The following AHI1 variants were observed in gnomAD, a reference collection of about 807,000 sequenced individuals.
The protein encoded by AHI1 is Abelson helper integration site 1, also known as jouberin.
In AHI1, 123 loss-of-function variants were observed where a neutral mutation model predicts 149.3. The ratio of observed to expected loss-of-function variants is 0.82; its 90% CI spans 0.71 to 0.96. The LOEUF is 0.96. Among genes scored for constraint, AHI1 ranks in the 40% least tolerant of loss-of-function variants. AHI1 has a pLI of 0.00. For synonymous variants in AHI1, 475 were observed against 459.8 expected (o/e 1.03, Z -0.42); for missense variants, 1,439 against 1,422.7 (o/e 1.01, Z -0.18).
chr6:135,403,800 C>G (rs896403532), intron 22 of AHI1, among the ~76,000 whole-genome samples: 1 of 152,084 alleles, frequency 6.6e-6, no homozygotes. Context: ...CTTTTCCCCC[C>G]TCGTCTTCCT....
At chr6:135,454,649 A>C (rs1328788807) in intron 10 of AHI1, among the ~76,000 whole-genome samples, 1 of 152,230 alleles carries the variant, frequency 6.6e-6, no homozygotes, top group Non-Finnish European at 1.5e-5. Flanking sequence ...GCAGTTGCAT[A>C]GGCAATAACA....
At chr6:135,394,590 C>A (rs1778956362) in intron 23 of AHI1, 186 bp downstream of exon 23, 2 of 754,190 alleles carry the variant, frequency 2.7e-6, no homozygotes, top group Non-Finnish European at 4.2e-6. Context: ...TCTACTGTTA[C>A]CAATTCCAAA....
chr6:135,451,899 G>GA (rs746590748), intron 11 of AHI1, among the ~76,000 whole-genome samples: 8 of 151,720 alleles, frequency 5.3e-5, no homozygotes, highest in Middle Eastern at 3.4e-3. Context: ...AGGTGTTATG[G>GA]AAAAAGGCAT....
In AHI1 at chr6:135,363,896, A is replaced by AC. The variant is rs1171061892; in HGVS notation, c.3110-5710dup. Among the ~76,000 whole-genome samples, 81 of 119,840 alleles carry AC rather than the reference A, an allele frequency of 6.8e-4. 1 individual carries two copies. The highest frequency in any genetic ancestry group is 5.3e-3 in the Middle Eastern group (1 of 188). The allele number at this position is 119,840 out of a possible 152,430, so 78.6% of individuals were successfully genotyped here. On this transcript the variant is annotated intron_variant, in intron 23 of 28. Transcript: ENST00000265602. The stretch of plus-strand genomic sequence containing the variant: ...GGGCGGCTGGCCGGACGGGGGGCTG[A>AC]CCCCCCCCACCTCCCTCCCGGATGG...
intron 23 of AHI1, among the ~76,000 whole-genome samples, chr6:135,366,705 T>C (rs1774236790): frequency 6.6e-6 from 1 of 152,224 alleles, no homozygotes; most frequent in South Asian, 2.1e-4. Flanking sequence ...ACTAATGGTC[T>C]ATCGATTTTG....
At chr6:135,320,069 G>C (rs17064416) in intron 25 of AHI1, among the ~76,000 whole-genome samples, 1,567 of 152,252 alleles carry the variant, frequency 0.01, 32 homozygotes, top group African/African-American at 0.036. Flanking sequence ...TTTTAGACTA[G>C]AATATGCTAC....
intron 26 of AHI1, among the ~76,000 whole-genome samples, chr6:135,313,352 A>G (rs777559372): frequency 3.3e-5 from 5 of 152,234 alleles, no homozygotes; most frequent in Non-Finnish European, 7.3e-5. Flanking sequence ...AAATCCACGC[A>G]TCTTAAGATT....
intron 24 of AHI1, among the ~76,000 whole-genome samples, chr6:135,340,654 C>CATATATATATATATATATATATAT (rs1290327693): frequency 1.7e-5 from 1 of 58,568 alleles, no homozygotes; most frequent in African/African-American, 4.4e-5. Context: ...TATATACATA[C>CATATATATATATATATATATATAT]ATACATATAT....
chr6:135,448,048 C>A (rs887202578), intron 12 of AHI1, among the ~76,000 whole-genome samples: 3 of 152,152 alleles, frequency 2.0e-5, no homozygotes, highest in Non-Finnish European at 4.4e-5. Flanking sequence ...AACCTTTTAT[C>A]TTTAATTTTT....
At chr6:135,309,655 AT>A (rs1784925165) in intron 26 of AHI1, among the ~76,000 whole-genome samples, 1 of 151,940 alleles carries the variant, frequency 6.6e-6, no homozygotes, top group Non-Finnish European at 1.5e-5. Context: ...CTAATTTTGT[AT>A]TTTTAGTAGA....
At chr6:135,448,646 AT>A (rs532758223) in intron 11 of AHI1, among the ~76,000 whole-genome samples, 171 bp from the exon 12 acceptor site, 3 of 152,232 alleles carry the variant, frequency 2.0e-5, no homozygotes, top group Non-Finnish European at 4.4e-5. Context: ...CTTCCAGATC[AT>A]TTTTGACAAA....
chr6:135,331,529 G>A (rs1160152699), intron 24 of AHI1, among the ~76,000 whole-genome samples: 1 of 152,146 alleles, frequency 6.6e-6, no homozygotes, highest in Non-Finnish European at 1.5e-5. Context: ...TCTTTCAAGG[G>A]ATTAAATATT....
intron 5 of AHI1, among the ~76,000 whole-genome samples, chr6:135,484,006 T>C (rs543608623): frequency 6.6e-6 from 1 of 152,002 alleles, no homozygotes; most frequent in South Asian, 2.1e-4. Flanking sequence ...AGAGGTTTAA[T>C]GGACTTAAAG....
intron 5 of AHI1, among the ~76,000 whole-genome samples, chr6:135,479,303 A>G (rs926426238): frequency 6.6e-6 from 1 of 152,214 alleles, no homozygotes; most frequent in Admixed American, 6.5e-5. Context: ...CAGGCACTCA[A>G]TGCCAGCCAG....
intron 26 of AHI1, among the ~76,000 whole-genome samples, chr6:135,311,445 T>A (rs935100002): frequency 5.3e-5 from 8 of 152,122 alleles, no homozygotes; most frequent in Non-Finnish European, 1.2e-4. Flanking sequence ...TAAGCATATG[T>A]AAGAAACAGA....
chr6:135,354,628 G>A (rs182018360), intron 24 of AHI1, among the ~76,000 whole-genome samples: 1 of 152,190 alleles, frequency 6.6e-6, no homozygotes, highest in East Asian at 1.9e-4. Flanking sequence ...GCCTTTTAGG[G>A]TTCAGACAAT....
chr6:135,413,265 C>T (rs576178273), intron 20 of AHI1, among the ~76,000 whole-genome samples: 8 of 152,066 alleles, frequency 5.3e-5, no homozygotes, highest in Admixed American at 2.0e-4. Flanking sequence ...GACTGGAGGT[C>T]GAGGCTGCCA....
At chr6:135,439,126 T>G (rs1175615148) in intron 14 of AHI1, among the ~76,000 whole-genome samples, 2 of 152,218 alleles carry the variant, frequency 1.3e-5, no homozygotes, top group Non-Finnish European at 2.9e-5. Context: ...TCAATTGCCC[T>G]TTAAAATACT....
At chr6:135,471,919 G>A (rs1158815042) in intron 5 of AHI1, among the ~76,000 whole-genome samples, 3 of 149,196 alleles carry the variant, frequency 2.0e-5, no homozygotes, top group African/African-American at 7.4e-5. Flanking sequence ...GGCTGAGGCA[G>A]GAGAATGGCG....
Sources: allele counts gnomAD v4.1 joint callset (sites outside exome capture counted in the v4.1 genomes callset), GRCh38; gene constraint gnomAD v4.1.1; transcripts MANE v1.5; gene names NCBI Gene and HGNC (gene_info 2026-07-23, HGNC 2026-07-21).